The following SLC25A39 variants were observed in gnomAD, a reference collection of about 807,000 sequenced individuals.
SLC25A39 encodes mitochondrial glutathione transporter SLC25A39.
In SLC25A39, 44 loss-of-function variants were observed where a neutral mutation model predicts 46.6. The ratio of observed to expected loss-of-function variants is 0.94; its 90% CI spans 0.74 to 1.21. The LOEUF is 1.21. Ranked by LOEUF, SLC25A39 falls within the 50% of genes most tolerant of loss-of-function variation. The pLI is 0.00. For missense variants in SLC25A39, 487 were observed against 473.0 expected (o/e 1.03, Z -0.28); for synonymous variants, 218 against 190.6 (o/e 1.14, Z -1.19).
intron 6 of SLC25A39, 41 bp downstream of exon 6, chr17:44,321,659 G>A: frequency 6.2e-7 from 1 of 1,607,804 alleles, no homozygotes; most frequent in Non-Finnish European, 8.5e-7. Flanking sequence ...CAAAGGGTCA[G>A]GAAGTACCAG....
chr17:44,320,018 G>A lies in SLC25A39; in HGVS notation c.1063C>T (p.Arg355Trp), dbSNP rs189084066. The A allele has an allele frequency of 7.3e-5, 118 of 1,613,958 alleles. No individual in the cohort carries two copies. Among genetic ancestry groups the A allele is most frequent in the East Asian group, 4.9e-4 (22 of 44,868 alleles). ...TGCCCCTTTCAGCCGCCCAGAAGCC[G>A]GTCCTGGTTCAGCCTCTGGAAGAAG... ...KSFFQRLNQD[R>W]LLGG Residue 355 changes from arginine (R) to tryptophan (W), a missense_variant, in exon 12 of 12, where the codon CGG (arginine) becomes TGG (tryptophan). By Grantham distance (101) the Arg-to-Trp change is moderately radical. Transcript: ENST00000377095.
At chr17:44,320,926 G>T in intron 8 of SLC25A39, 132 bp downstream of exon 8, 3 of 1,199,204 alleles carry the variant, frequency 2.5e-6, no homozygotes, top group Non-Finnish European at 3.4e-6. Flanking sequence ...CCACTTCACA[G>T]ATGAGAAACC....
At position 44,321,419 on chromosome 17, in the gene SLC25A39, C is replaced by T. The variant is rs2048030397; in HGVS notation, c.517+15G>A. ...TGGGGACAGAGGGAGGTCAAAGGCC[C>T]AAGACTATGCTCACGGCGGGCCAGC... On this transcript the variant is annotated intron_variant, in intron 7 of 11. Transcript: ENST00000377095. The T allele has an allele frequency of 5.0e-6, 8 of 1,613,486 alleles. No individual in the cohort carries two copies. Among genetic ancestry groups the T allele is most frequent in the Non-Finnish European group, 6.8e-6 (8 of 1,179,876 alleles).
At position 44,322,400 on chromosome 17, in the gene SLC25A39, G is replaced by A. The variant is rs997261758; in HGVS notation, c.324+19C>T. ...CTCACGGACACCGACGAATCCCTACGGACCCAGCTGCTCCTCACCATGGTG... is the reference window on the plus strand; with the variant it reads ...CTCACGGACACCGACGAATCCCTACAGACCCAGCTGCTCCTCACCATGGTG... On this transcript the variant is annotated intron_variant, in intron 5 of 11. Transcript: ENST00000377095. 13 of 1,613,880 alleles carry A rather than the reference G, an allele frequency of 8.1e-6. No homozygotes were observed. The Middle Eastern group carries it at 5.0e-4, about 62-fold the overall frequency.
chr17:44,321,883 GGCCTCCCT>G, intron 5 of SLC25A39, 116 bp from the exon 6 acceptor site: 1 of 1,051,828 alleles, frequency 9.5e-7, no homozygotes, highest in Non-Finnish European at 1.4e-6. Context: ...ACAGCCCTCA[GGCCTCCCT>G]GCCTCTACAC....
chr17:44,321,783 C>G lies in SLC25A39; in HGVS notation c.325-16G>C. On this transcript the variant is annotated splice_polypyrimidine_tract_variant and intron_variant, in intron 5 of 11. Transcript: ENST00000377095. Reference sequence around the variant, plus strand: ...CGAAGGCATCCTGGCCAAGCAGGCACCAGCCCAGGGGAAGAGGAGGGACAC... The same window carrying G: ...CGAAGGCATCCTGGCCAAGCAGGCAGCAGCCCAGGGGAAGAGGAGGGACAC... 6.2e-7 allele frequency: 1 copy of G among 1,608,072 alleles called. No individual in the cohort carries two copies.
Position 44,322,904 on chromosome 17 carries a change from G to A in SLC25A39, c.146-52C>T, listed in dbSNP as rs369455581. 7.6e-6 allele frequency: 12 copies of A among 1,585,642 alleles called. No homozygotes were observed. In the African/African-American group the frequency reaches 1.2e-4, roughly 16 times the overall value. On this transcript the variant is annotated intron_variant, in intron 3 of 11. Coordinates refer to ENST00000377095, the MANE Select transcript of SLC25A39 (RefSeq NM_001143780.3). Reference sequence around the variant, plus strand: ...CAGGAGAGCCCCCACCCGCCCTAGGGACCCCATCTCTGGGAGATCTTTTTA... The same window carrying A: ...CAGGAGAGCCCCCACCCGCCCTAGGAACCCCATCTCTGGGAGATCTTTTTA...
At position 44,324,791 on chromosome 17, in the gene SLC25A39, C is replaced by T. The variant is rs1330459075; in HGVS notation, c.-96G>A. The T allele has an allele frequency of 1.3e-5, 2 of 152,046 alleles. No homozygotes were observed. The highest frequency in any genetic ancestry group is 4.8e-5 in the African/African-American group (2 of 41,426). 9.4% of individuals were successfully genotyped at this position (152,046 alleles called of 1,614,324 possible). ...CCGGCTCCGCCGCCTGTGCGCGGTC[C>T]GCGCGCGCTCGCAGCGCACCTAGGC... is the stretch of plus-strand genomic sequence containing the variant. On this transcript the variant is annotated 5_prime_UTR_variant, in exon 1 of 12. Transcript: ENST00000377095.
rs776513363 is a variant in SLC25A39 at position 44,320,287 on chromosome 17, G to A, written c.884-11C>T. 10 of 1,613,580 alleles carry A rather than the reference G, an allele frequency of 6.2e-6. No homozygotes were observed. Among genetic ancestry groups the A allele is most frequent in the East Asian group, 4.5e-5 (2 of 44,880 alleles). On this transcript the variant is annotated splice_polypyrimidine_tract_variant and intron_variant, in intron 10 of 11. Transcript: ENST00000377095. ...CATGCAGGGGGTTCACTGCAAACGCGAGGCCGGCTCAGTGAGACCCCATTC... is the reference window on the plus strand; with the variant it reads ...CATGCAGGGGGTTCACTGCAAACGCAAGGCCGGCTCAGTGAGACCCCATTC...
In SLC25A39 at chr17:44,320,603, TCCAG is replaced by T; in HGVS notation, c.801+15_801+18del. The stretch of plus-strand genomic sequence containing the variant: ...CAGGGAGACCTCCGCTGGCCTCACC[TCCAG>T]CCCAGTCCACTCACCGTCCCTGAGA... On this transcript the variant is annotated intron_variant, in intron 9 of 11. Transcript: ENST00000377095. 1 of 1,607,576 alleles carries T rather than the reference TCCAG, an allele frequency of 6.2e-7. No homozygotes were observed. The highest frequency in any genetic ancestry group is 8.5e-7 in the Non-Finnish European group (1 of 1,174,602).
At position 44,320,126 on chromosome 17, in the gene SLC25A39, A is replaced by G. The variant is rs371390687; in HGVS notation, c.965-10T>C. 6.2e-7 allele frequency: 1 copy of G among 1,613,982 alleles called. No individual in the cohort carries two copies. On this transcript the variant is annotated splice_polypyrimidine_tract_variant and intron_variant, in intron 11 of 11. Coordinates refer to ENST00000377095, the MANE Select transcript of SLC25A39 (RefSeq NM_001143780.3). ...ATCCGAGGAAGGAAGCCTGCAGTGGAAAGGAGGCCCGTGTCAGGGGTCAGG... is the reference window on the plus strand; with the variant it reads ...ATCCGAGGAAGGAAGCCTGCAGTGGGAAGGAGGCCCGTGTCAGGGGTCAGG...
rs940627769 is a variant in SLC25A39, at chr17:44,319,700, T to A, written c.*301A>T. Reference sequence around the variant, plus strand: ...CTACACCAGGCTGAGGGCTTCTTGGTTCCTGGAGACATGCCCAGCTACAGC... The same window carrying A: ...CTACACCAGGCTGAGGGCTTCTTGGATCCTGGAGACATGCCCAGCTACAGC... On this transcript the variant is annotated 3_prime_UTR_variant, in exon 12 of 12. Transcript: ENST00000377095. 4.9e-6 allele frequency: 2 copies of A among 411,986 alleles called. No homozygotes were observed. The highest frequency in any genetic ancestry group is 4.1e-5 in the African/African-American group (2 of 49,124). 25.5% of individuals were successfully genotyped at this position (411,986 alleles called of 1,614,324 possible).
chr17:44,320,336 C>T lies in SLC25A39; in HGVS notation c.883+19G>A, dbSNP rs745703466. The T allele has an allele frequency of 2.0e-5, 32 of 1,613,398 alleles. No homozygotes were observed. The highest frequency in any genetic ancestry group is 4.5e-5 in the East Asian group (2 of 44,890). ...TCAGGACCCCACCTGTCCCCTGCCA[C>T]GGCAATCTGGGCCCTCACCTCTCAC... On this transcript the variant is annotated intron_variant, in intron 10 of 11. Transcript: ENST00000377095.
chr17:44,319,640 C>A lies in SLC25A39; in HGVS notation c.*361G>T. 1 of 264,576 alleles carries A rather than the reference C, an allele frequency of 3.8e-6. No individual in the cohort carries two copies. The highest frequency in any genetic ancestry group is 7.5e-6 in the Non-Finnish European group (1 of 133,704). The allele number at this position is 264,576 out of a possible 1,614,324, so 16.4% of individuals were successfully genotyped here. A position where few individuals can be genotyped will look rare whatever the true frequency, so the allele number is the denominator to read the frequency against. ...CAGGCACCAGGCAGAAGTTCATCAT[C>A]TTTAGACTTAAGGAATTAACAAGGG... On this transcript the variant is annotated 3_prime_UTR_variant, in exon 12 of 12. Coordinates refer to ENST00000377095, the MANE Select transcript of SLC25A39 (RefSeq NM_001143780.3).
At position 44,322,516 on chromosome 17, in the gene SLC25A39, AG is replaced by A. The variant is rs1322817978; in HGVS notation, c.226del (p.Leu76CysfsTer37). The A allele has an allele frequency of 6.2e-7, 1 of 1,614,030 alleles. No individual in the cohort carries two copies. Among genetic ancestry groups the A allele is most frequent in the African/African-American group, 1.3e-5 (1 of 74,930 alleles). ...SSLQSTGKCL[L>X]YCNGVLEPLY... ...AGGCTCCAGGACACCATTGCAATACAGGAGGCACTTCCCTGTGGATTGGAGA... is the reference window on the plus strand; with the variant it reads ...AGGCTCCAGGACACCATTGCAATACAGAGGCACTTCCCTGTGGATTGGAGA... On this transcript the variant is annotated frameshift_variant, in exon 5 of 12. Coordinates refer to ENST00000377095, the MANE Select transcript of SLC25A39 (RefSeq NM_001143780.3). LOFTEE classifies it high-confidence loss of function.
In SLC25A39 at chr17:44,321,111, C is replaced by A. The variant is rs745986185; in HGVS notation, c.638G>T (p.Arg213Leu). Residue 213 changes from arginine to leucine, a missense_variant, in exon 8 of 12, where the codon CGC becomes CTC. Arg to Leu is a moderately radical substitution (Grantham distance 102). Coordinates refer to ENST00000377095, the MANE Select transcript of SLC25A39 (RefSeq NM_001143780.3). ...GGGGCCCCAGCCCAGCCACAGTGAGCGCCAGCCACCCTGAGCCACTGCAGT... is the reference window on the plus strand; with the variant it reads ...GGGGCCCCAGCCCAGCCACAGTGAGAGCCAGCCACCCTGAGCCACTGCAGT... ...VRTAVAQGGWRSLWLGWGPTA... is the reference protein window; with the variant it reads ...VRTAVAQGGWLSLWLGWGPTA... 6.2e-7 allele frequency: 1 copy of A among 1,612,050 alleles called. No homozygotes were observed. Among genetic ancestry groups the A allele is most frequent in the Non-Finnish European group, 8.5e-7 (1 of 1,179,620 alleles).
chr17:44,323,439 A>AGCCCCCCCCCCCCCCCCCCC, intron 2 of SLC25A39, 39 bp downstream of exon 2: 3 of 257,090 alleles, frequency 1.2e-5, no homozygotes, highest in Non-Finnish European at 1.1e-5. Context: ...GGTCTGCCCC[A>AGCCCCCCCCCCCCCCCCCCC]TCCCCACCCG....
rs575792289 is a variant in SLC25A39, at chr17:44,321,614, G to A, written c.393-56C>T. ...TCCCAAAAGGACCCAAACTTTTAAA[G>A]CATCACCTGCCCCACCTAGCCATTC... On this transcript the variant is annotated intron_variant, in intron 6 of 11. Coordinates refer to ENST00000377095, the MANE Select transcript of SLC25A39 (RefSeq NM_001143780.3). 1.1e-5 allele frequency: 17 copies of A among 1,609,244 alleles called. No homozygotes were observed. The East Asian group carries it at 3.6e-4, about 34-fold the overall frequency.
intron 9 of SLC25A39, 57 bp from the exon 10 acceptor site, chr17:44,320,493 C>G: frequency 1.2e-6 from 2 of 1,603,716 alleles, no homozygotes; most frequent in South Asian, 1.1e-5. Context: ...CCACCCCTAC[C>G]TCCCAGATGG....
Sources: gnomAD v4.1 joint callset for allele counts on GRCh38, gnomAD v4.1.1 for gene constraint, MANE v1.5 for transcripts, NCBI Gene and HGNC (gene_info 2026-07-23, HGNC 2026-07-21) for gene names.